Variants in CELF2 observed in about 807,000 individuals in gnomAD.
CELF2 encodes CUGBP Elav-like family member 2.
CELF2 carries 8 observed loss-of-function variants against 62.6 expected under a neutral mutation model. The ratio of observed to expected loss-of-function variants is 0.13; its 90% CI spans 0.07 to 0.23. The LOEUF (loss-of-function observed/expected upper bound fraction) is 0.23, where lower values mean the gene tolerates loss of function less well. Among genes scored for constraint, CELF2 ranks in the 10% least tolerant of loss-of-function variants. CELF2 has a pLI of 1.00. For missense variants in CELF2, 333 were observed against 671.0 expected, an observed-to-expected ratio of 0.50 and a Z score of 5.56; for synonymous variants, 258 against 250.0, an observed-to-expected ratio of 1.03 and a Z score of -0.30.
chr10:10,726,063 A>G, the CELF2 span, among the ~76,000 whole-genome samples: 2 of 152,184 alleles, frequency 1.3e-5, no homozygotes, highest in Non-Finnish European at 1.5e-5. Context: ...AAGAAAGTTC[A>G]GCATGTTATA....
At chr10:10,709,617 T>G in the CELF2 span, among the ~76,000 whole-genome samples, 1 of 152,164 alleles carries the variant, frequency 6.6e-6, no homozygotes, top group African/African-American at 2.4e-5. Context: ...CAAATAACAT[T>G]GATTTTCCAA....
At chr10:10,606,204 A>G in the CELF2 span, among the ~76,000 whole-genome samples, 2 of 152,162 alleles carry the variant, frequency 1.3e-5, no homozygotes, top group African/African-American at 2.4e-5. Flanking sequence ...AACACATTTA[A>G]TGGAATATGT....
At chr10:10,750,657 T>C in the CELF2 span, among the ~76,000 whole-genome samples, 12 of 152,162 alleles carry the variant, frequency 7.9e-5, no homozygotes, top group Non-Finnish European at 1.5e-4. Flanking sequence ...CAAATACACA[T>C]GTGTGTATAC....
At chr10:10,562,210 A>G in the CELF2 span, among the ~76,000 whole-genome samples, 2 of 152,136 alleles carry the variant, frequency 1.3e-5, no homozygotes, top group Non-Finnish European at 1.5e-5. Flanking sequence ...CCCTCTGGCA[A>G]CACTTTTCTC....
Position 11,017,904 on chromosome 10 carries a change from C to G in CELF2, c.-186C>G, listed in dbSNP as rs1413023005. 3 of 973,972 alleles carry G rather than the reference C, an allele frequency of 3.1e-6. No homozygotes were observed. Among genetic ancestry groups the G allele is most frequent in the African/African-American group, 3.5e-5 (2 of 56,614 alleles). 60.3% of individuals were successfully genotyped at this position (973,972 alleles called of 1,614,324 possible). ...CCCGCCGCACCTGGCGCTCGGCAGCCGGCCGCCCCGGCGCTGGATTTCGGA... is the reference window on the plus strand; with the variant it reads ...CCCGCCGCACCTGGCGCTCGGCAGCGGGCCGCCCCGGCGCTGGATTTCGGA... On this transcript the variant is annotated 5_prime_UTR_variant, in exon 1 of 13. Coordinates refer to ENST00000633077, the MANE Select transcript of CELF2 (RefSeq NM_001326342.2). This position sits in a 1 kb window ranked among gnomAD's most constrained non-coding sequence, Gnocchi z 5.5.
chr10:10,681,985 C>G, the CELF2 span, among the ~76,000 whole-genome samples: 1 of 152,130 alleles, frequency 6.6e-6, no homozygotes, highest in East Asian at 1.9e-4. Flanking sequence ...CAAAATAAAA[C>G]AGATTAAGAG....
chr10:10,685,233 T>C, the CELF2 span, among the ~76,000 whole-genome samples: 892 of 152,298 alleles, frequency 5.9e-3, 3 homozygotes, highest in Non-Finnish European at 8.2e-3. Context: ...GAAACTAGAC[T>C]GTCATCTGCT....
In CELF2 at chr10:11,270,970, C is replaced by G. The variant is rs1026522635; in HGVS notation, c.777+146C>G. 1.7e-5 allele frequency: 14 copies of G among 821,150 alleles called. No individual in the cohort carries two copies. The highest frequency in any genetic ancestry group is 2.3e-5 in the Non-Finnish European group (14 of 596,086). 50.9% of individuals were successfully genotyped at this position (821,150 alleles called of 1,614,324 possible). A position where few individuals can be genotyped will look rare whatever the true frequency, so the allele number is the denominator to read the frequency against. On this transcript the variant is annotated intron_variant, in intron 7 of 12. Transcript: ENST00000633077. This position sits in a 1 kb window ranked among gnomAD's most constrained non-coding sequence, Gnocchi z 5.8. ...ATCAGCATTTATGCAGGATATTTTT[C>G]CAAGTTAGATTGATTCTGTTAAGAA...
the CELF2 span, among the ~76,000 whole-genome samples, chr10:10,702,162 C>T: frequency 6.6e-6 from 1 of 152,048 alleles, no homozygotes; most frequent in East Asian, 1.9e-4. Flanking sequence ...CCCTGCCTTG[C>T]TTGAAACAAA....
chr10:11,264,842 G>C (rs548097277), intron 5 of CELF2, among the ~76,000 whole-genome samples: 1 of 152,342 alleles, frequency 6.6e-6, no homozygotes, highest in Admixed American at 6.5e-5. Context: ...CTGCCATGCT[G>C]TCAGAGAACC....
chr10:11,017,102 G>A (rs1229295728), upstream of CELF2, among the ~76,000 whole-genome samples: 3 of 152,108 alleles, frequency 2.0e-5, no homozygotes, highest in African/African-American at 7.2e-5. This position sits in a 1 kb window ranked among gnomAD's most constrained non-coding sequence, Gnocchi z 5.5. Flanking sequence ...AATTAAACTC[G>A]CCAGCTTCTC....
the CELF2 span, among the ~76,000 whole-genome samples, chr10:10,490,565 G>T: frequency 5.7e-5 from 6 of 104,896 alleles, no homozygotes; most frequent in Admixed American, 1.1e-4. Flanking sequence ...TAATCTATCT[G>T]GTTGGGGGGG....
chr10:11,025,085 G>C (rs1327383353), intron 1 of CELF2, among the ~76,000 whole-genome samples: 1 of 152,022 alleles, frequency 6.6e-6, no homozygotes, highest in Admixed American at 6.6e-5. Context: ...CAGGAAAGTT[G>C]ACCCTCATTT....
the CELF2 span, among the ~76,000 whole-genome samples, chr10:10,559,270 C>G: frequency 6.6e-6 from 1 of 152,162 alleles, no homozygotes; most frequent in Non-Finnish European, 1.5e-5. Context: ...GATGTTTTCT[C>G]CAGAATCATA....
chr10:10,747,147 G>C, the CELF2 span, among the ~76,000 whole-genome samples: 14 of 152,348 alleles, frequency 9.2e-5, no homozygotes, highest in African/African-American at 3.4e-4. Flanking sequence ...GTCTAGGTAA[G>C]AGGTCCATCC....
the CELF2 span, among the ~76,000 whole-genome samples, chr10:10,627,924 A>G: frequency 6.6e-6 from 1 of 152,176 alleles, no homozygotes; most frequent in Non-Finnish European, 1.5e-5. Flanking sequence ...TTATTTTGAG[A>G]TAGAGTCTCG....
At chr10:10,696,358 G>A in the CELF2 span, among the ~76,000 whole-genome samples, 13 of 150,944 alleles carry the variant, frequency 8.6e-5, no homozygotes, top group Admixed American at 3.3e-4. Context: ...CAGTCTGCCC[G>A]TTCTCAGATC....
intron 1 of CELF2, among the ~76,000 whole-genome samples, chr10:11,050,876 T>TTCAC (rs1459184699): frequency 6.6e-6 from 1 of 152,302 alleles, no homozygotes; most frequent in East Asian, 1.9e-4. Flanking sequence ...TCCCCTACCA[T>TTCAC]TCACTCACTC....
chr10:11,017,678 G>C (rs556078112), upstream of CELF2, among the ~76,000 whole-genome samples: 141 of 152,272 alleles, frequency 9.3e-4, 1 homozygote, highest in East Asian at 3.9e-4. This position sits in a 1 kb window ranked among gnomAD's most constrained non-coding sequence, Gnocchi z 5.5. Context: ...ACCCCCGGGC[G>C]GGGGAGCAGA....
Sources: gnomAD v4.1 joint callset for allele counts (sites outside exome capture counted in the v4.1 genomes callset) on GRCh38, gnomAD v4.1.1 for gene constraint, Gnocchi (gnomAD v3.1) non-coding constraint, MANE v1.5 for transcripts, NCBI Gene and HGNC (gene_info 2026-07-23, HGNC 2026-07-21) for gene names.